The following POU2F1 variants were observed in gnomAD, a reference collection of about 807,000 sequenced individuals.
POU2F1 encodes POU domain, class 2, transcription factor 1.
In POU2F1, 16 loss-of-function variants were observed where a neutral mutation model predicts 84.9. The ratio of observed to expected loss-of-function variants is 0.19; its 90% CI spans 0.13 to 0.29. POU2F1 has a LOEUF of 0.29. Among genes scored for constraint, POU2F1 ranks in the 10% least tolerant of loss-of-function variants. The probability of loss-of-function intolerance (pLI) is 1.00; values close to 1 mark genes in which losing one functional copy is unlikely to be tolerated. For synonymous variants in POU2F1, 368 were observed against 368.3 expected (o/e 1.00, Z 0.01); for missense variants, 738 against 942.6 (o/e 0.78, Z 2.84).
At chr1:167,401,752 T>C (rs1649223792) in intron 13 of POU2F1, among the ~76,000 whole-genome samples, 196 bp downstream of exon 13, 1 of 152,232 alleles carries the variant, frequency 6.6e-6, no homozygotes, top group Admixed American at 6.5e-5. Flanking sequence ...CAGAAAAACC[T>C]CCAAGTTTGT....
intron 2 of POU2F1, among the ~76,000 whole-genome samples, chr1:167,363,333 T>C (rs1173560158): frequency 1.3e-5 from 2 of 152,236 alleles, no homozygotes. Flanking sequence ...TCTTGTTGAT[T>C]TATTTAATAT....
At chr1:167,395,533 T>C (rs192435931) in intron 9 of POU2F1, among the ~76,000 whole-genome samples, 213 of 152,322 alleles carry the variant, frequency 1.4e-3, no homozygotes, top group African/African-American at 4.5e-3. Context: ...CGTAAATATC[T>C]TGGGTTATCT....
intron 2 of POU2F1, among the ~76,000 whole-genome samples, chr1:167,342,256 G>GCA (rs1342923619): frequency 3.3e-5 from 5 of 152,154 alleles, no homozygotes; most frequent in African/African-American, 9.6e-5. Context: ...TTTTCCCCAG[G>GCA]ATAGTATCAC....
At chr1:167,274,270 T>C (rs903344857) in intron 1 of POU2F1, among the ~76,000 whole-genome samples, 2 of 152,214 alleles carry the variant, frequency 1.3e-5, no homozygotes, top group Non-Finnish European at 2.9e-5. Flanking sequence ...AATCTGTTGC[T>C]TCTCACCCTG....
intron 1 of POU2F1, among the ~76,000 whole-genome samples, chr1:167,280,235 A>G (rs1653031975): frequency 6.6e-6 from 1 of 152,012 alleles, no homozygotes; most frequent in African/African-American, 2.4e-5. Context: ...ATCAGAAATA[A>G]TAAAGCTTTC....
chr1:167,249,488 G>C (rs1022141944), intron 1 of POU2F1, among the ~76,000 whole-genome samples: 2 of 152,162 alleles, frequency 1.3e-5, no homozygotes, highest in African/African-American at 4.8e-5. Context: ...CAGCCCTCCA[G>C]GATTGGGGTC....
At chr1:167,249,537 G>A (rs1160073641) in intron 1 of POU2F1, among the ~76,000 whole-genome samples, 1 of 152,194 alleles carries the variant, frequency 6.6e-6, no homozygotes, top group Non-Finnish European at 1.5e-5. Flanking sequence ...GGGAGCAAGG[G>A]AGTGGAAAGT....
At position 167,279,995 on chromosome 1, in the gene POU2F1, C is replaced by T. The variant is rs569165010; in HGVS notation, c.62-52475C>T. On this transcript the variant is annotated intron_variant, in intron 1 of 15. Transcript: ENST00000367866. The stretch of plus-strand genomic sequence containing the variant: ...TCGAGGTGGGCAGATCACCTGAGGT[C>T]GGGAGTTTGAGACCAGCCTGACCAA... 1.1e-4 allele frequency among the ~76,000 whole-genome samples: 16 copies of T among 152,098 alleles called. No homozygotes were observed. In the South Asian group the frequency reaches 1.9e-3, roughly 18 times the overall value.
intron 2 of POU2F1, among the ~76,000 whole-genome samples, chr1:167,364,393 A>G (rs941460519): frequency 5.4e-5 from 8 of 147,936 alleles, no homozygotes; most frequent in South Asian, 2.2e-4. Flanking sequence ...AGCCGGGCGT[A>G]GTGGCGGGCG....
In POU2F1 at chr1:167,237,766, A is replaced by AAATTTTTTTTTT. The variant is rs1557836583; in HGVS notation, c.61+16808_61+16809insAATTTTTTTTTT. ...TGTGTGTATATATATATATATATATATATATATTTTTTTTTTTTTTTTTTT... is the reference window on the plus strand; with the variant it reads ...TGTGTGTATATATATATATATATATAAATTTTTTTTTTTATATATTTTTTTTTTTTTTTTTTT... On this transcript the variant is annotated intron_variant, in intron 1 of 15. Transcript: ENST00000367866. Among the ~76,000 whole-genome samples the AAATTTTTTTTTT allele has an allele frequency of 6.9e-5, 4 of 58,034 alleles. 2 individuals are homozygous for AAATTTTTTTTTT. The highest frequency in any genetic ancestry group is 1.3e-4 in the Non-Finnish European group (4 of 30,214). The allele number at this position is 58,034 out of a possible 152,430, so 38.1% of individuals were successfully genotyped here.
intron 1 of POU2F1, among the ~76,000 whole-genome samples, chr1:167,296,093 A>G (rs924174475): frequency 1.3e-5 from 2 of 151,980 alleles, no homozygotes; most frequent in African/African-American, 4.8e-5. Flanking sequence ...TGAAGGAAAT[A>G]GATTATTGGT....
chr1:167,335,444 A>T (rs753309903), intron 2 of POU2F1, among the ~76,000 whole-genome samples: 7 of 152,186 alleles, frequency 4.6e-5, no homozygotes, highest in Non-Finnish European at 1.0e-4. Context: ...TAATTGAACC[A>T]AGGTAGGGGT....
chr1:167,267,162 G>T (rs961804898), intron 1 of POU2F1, among the ~76,000 whole-genome samples: 2 of 150,712 alleles, frequency 1.3e-5, no homozygotes, highest in Non-Finnish European at 2.9e-5. Flanking sequence ...GGTATAATGT[G>T]TACTGATATA....
rs996564663 is a variant in POU2F1 at position 167,419,715 on chromosome 1, CAT to C, written c.*3906_*3907del. The C allele has an allele frequency of 1.8e-4, 27 of 152,308 alleles. No homozygotes were observed. The highest frequency in any genetic ancestry group is 3.9e-4 in the Admixed American group (6 of 15,296). 9.4% of individuals were successfully genotyped at this position (152,308 alleles called of 1,614,324 possible). ...TATATCCATTAACTGATATAATTCA[CAT>C]GTCCTTTTATTTGTTATCAGAAAGA... is the stretch of plus-strand genomic sequence containing the variant. On this transcript the variant is annotated 3_prime_UTR_variant, in exon 16 of 16. Coordinates refer to ENST00000367866, the MANE Select transcript of POU2F1 (RefSeq NM_002697.4).
intron 1 of POU2F1, among the ~76,000 whole-genome samples, chr1:167,322,486 A>C (rs1656388603): frequency 6.6e-6 from 1 of 152,268 alleles, no homozygotes; most frequent in African/African-American, 2.4e-5. Context: ...TTCCCCAGGC[A>C]GAAGGCTCAC....
At chr1:167,222,810 T>C (rs187785980) in intron 1 of POU2F1, among the ~76,000 whole-genome samples, 1 of 152,308 alleles carries the variant, frequency 6.6e-6, no homozygotes, top group Admixed American at 6.5e-5. Context: ...GAAAAATCTG[T>C]CCTGTATTTT....
At chr1:167,358,305 A>G (rs74564680) in intron 2 of POU2F1, among the ~76,000 whole-genome samples, 2,584 of 151,340 alleles carry the variant, frequency 0.017, 74 homozygotes, top group African/African-American at 0.058. Context: ...GTTTGCTATT[A>G]TTATTTAGTA....
rs1273864792 is a variant in POU2F1, at chr1:167,418,578, G to C, written c.*2768G>C. On this transcript the variant is annotated 3_prime_UTR_variant, in exon 16 of 16. Transcript: ENST00000367866. ...GTTATAGCATTAATTTCTCAAAATTGCTACCAAAGGAAGTGTGGAGTCCCA... is the reference window on the plus strand; with the variant it reads ...GTTATAGCATTAATTTCTCAAAATTCCTACCAAAGGAAGTGTGGAGTCCCA... 1.3e-5 allele frequency: 2 copies of C among 152,178 alleles called. No homozygotes were observed. Among genetic ancestry groups the C allele is most frequent in the East Asian group, 3.9e-4 (2 of 5,192 alleles). The allele number at this position is 152,178 out of a possible 1,614,324, so 9.4% of individuals were successfully genotyped here.
chr1:167,314,834 A>G (rs1206867756), intron 1 of POU2F1, among the ~76,000 whole-genome samples: 2 of 152,152 alleles, frequency 1.3e-5, no homozygotes, highest in Non-Finnish European at 1.5e-5. Flanking sequence ...ATTTGTCCCC[A>G]CCCAGATCTC....
Sources: allele counts gnomAD v4.1 joint callset (sites outside exome capture counted in the v4.1 genomes callset), GRCh38; gene constraint gnomAD v4.1.1; transcripts MANE v1.5; gene names NCBI Gene and HGNC (gene_info 2026-07-23, HGNC 2026-07-21).